Variants in AGBL4 observed in about 807,000 individuals in gnomAD.
AGBL4 encodes cytosolic carboxypeptidase 6.
AGBL4 carries 58 observed loss-of-function variants against 66.4 expected under a neutral mutation model. That is an observed-to-expected ratio of 0.87 (90% CI 0.71 to 1.09). The LOEUF (loss-of-function observed/expected upper bound fraction) is 1.09. Ranked by LOEUF, AGBL4 falls within the 50% of genes least tolerant of loss-of-function variation. The pLI is 0.00. For missense variants in AGBL4, 579 were observed against 631.0 expected (o/e 0.92, Z 0.88); for synonymous variants, 234 against 222.9 (o/e 1.05, Z -0.44).
At chr1:49,105,368 C>T (rs1463727682) in intron 4 of AGBL4, among the ~76,000 whole-genome samples, 1 of 152,162 alleles carries the variant, frequency 6.6e-6, no homozygotes, top group African/African-American at 2.4e-5. Context: ...GATCATAGAA[C>T]TGTTACTTGG....
At chr1:49,021,646 G>T (rs149672355) in intron 5 of AGBL4, among the ~76,000 whole-genome samples, 1 of 152,050 alleles carries the variant, frequency 6.6e-6, no homozygotes, top group Non-Finnish European at 1.5e-5. Context: ...AAAAAATTCC[G>T]GTTTTTAATA....
At chr1:49,116,017 A>G (rs1235690409) in intron 4 of AGBL4, among the ~76,000 whole-genome samples, 1 of 152,190 alleles carries the variant, frequency 6.6e-6, no homozygotes, top group Non-Finnish European at 1.5e-5. Flanking sequence ...AGTAATTAAG[A>G]GAAATTGGAT....
intron 11 of AGBL4, among the ~76,000 whole-genome samples, chr1:48,565,686 C>T (rs1428326777): frequency 6.6e-6 from 1 of 152,170 alleles, no homozygotes; most frequent in Non-Finnish European, 1.5e-5. Flanking sequence ...TCCACATCTA[C>T]CAGCTGTATG....
intron 1 of AGBL4, among the ~76,000 whole-genome samples, chr1:49,897,234 AT>A (rs777744050): frequency 5.9e-5 from 9 of 152,078 alleles, no homozygotes; most frequent in Non-Finnish European, 1.3e-4. Flanking sequence ...CCAGAAAACT[AT>A]TAGAACTGAT....
chr1:48,997,071 C>T (rs551573006), intron 5 of AGBL4, among the ~76,000 whole-genome samples: 2 of 152,058 alleles, frequency 1.3e-5, no homozygotes, highest in South Asian at 2.1e-4. Context: ...TACAGGTGCC[C>T]GCCACCACGC....
intron 5 of AGBL4, among the ~76,000 whole-genome samples, chr1:48,943,367 G>T (rs1656178455): frequency 6.6e-6 from 1 of 152,210 alleles, no homozygotes; most frequent in African/African-American, 2.4e-5. Flanking sequence ...TTTATCAGAT[G>T]ATGCCAATGA....
chr1:49,770,657 TC>T (rs1252307121), intron 2 of AGBL4, among the ~76,000 whole-genome samples: 1 of 152,204 alleles, frequency 6.6e-6, no homozygotes, highest in African/African-American at 2.4e-5. Flanking sequence ...GACTTTTTTT[TC>T]ATCAAGATGT....
intron 6 of AGBL4, among the ~76,000 whole-genome samples, chr1:48,850,346 A>G (rs1353689518): frequency 6.6e-6 from 1 of 152,160 alleles, no homozygotes; most frequent in African/African-American, 2.4e-5. Flanking sequence ...AAGGGTAGGG[A>G]CAGCAGATGG....
chr1:49,795,442 GAGA>G (rs1331847366), intron 2 of AGBL4, among the ~76,000 whole-genome samples: 1 of 151,926 alleles, frequency 6.6e-6, no homozygotes, highest in East Asian at 1.9e-4. Context: ...CTGAATAAAT[GAGA>G]AGGATGTAAA....
Position 49,617,675 on chromosome 1 carries a change from A to C in AGBL4, c.282+79638T>G, listed in dbSNP as rs12049549. 8.0e-3 allele frequency among the ~76,000 whole-genome samples: 1,213 copies of C among 152,328 alleles called. 9 individuals carry two copies. The highest frequency in any genetic ancestry group is 0.031 in the Middle Eastern group (9 of 294). On this transcript the variant is annotated intron_variant, in intron 3 of 13. Coordinates refer to ENST00000371839, the MANE Select transcript of AGBL4 (RefSeq NM_032785.4). Reference sequence around the variant, plus strand: ...AGTACCTATCACATGATGTGCACTCAGAAAATATTTGATAAATGAGTCATA... The same window carrying C: ...AGTACCTATCACATGATGTGCACTCCGAAAATATTTGATAAATGAGTCATA...
chr1:49,332,806 C>A (rs1351016294), intron 3 of AGBL4, among the ~76,000 whole-genome samples: 1 of 152,054 alleles, frequency 6.6e-6, no homozygotes, highest in African/African-American at 2.4e-5. Context: ...ACATAAAATT[C>A]TATTTCTGGT....
chr1:49,363,438 A>G (rs1644181942), intron 3 of AGBL4, among the ~76,000 whole-genome samples: 3 of 152,220 alleles, frequency 2.0e-5, no homozygotes, highest in South Asian at 4.1e-4. Flanking sequence ...ACAAGCATTA[A>G]TGATACTTGC....
At chr1:49,951,168 A>C (rs1656126929) in intron 1 of AGBL4, among the ~76,000 whole-genome samples, 1 of 151,898 alleles carries the variant, frequency 6.6e-6, no homozygotes, top group Non-Finnish European at 1.5e-5. Flanking sequence ...CGGTGACTAT[A>C]GTTAATAATA....
At chr1:48,940,950 A>G (rs1170705221) in intron 5 of AGBL4, among the ~76,000 whole-genome samples, 3 of 152,228 alleles carry the variant, frequency 2.0e-5, no homozygotes, top group Non-Finnish European at 4.4e-5. Context: ...TGACAAATAC[A>G]CAGACATATT....
rs183175285 is a variant in AGBL4 at position 49,062,864 on chromosome 1, T to C, written c.378-17064A>G. ...TCTCAGTGCCCATCATCTCCCTGTG[T>C]ATGGCATAGCTTCCTTTCTACACTA... On this transcript the variant is annotated intron_variant, in intron 4 of 13. Transcript: ENST00000371839. Among the ~76,000 whole-genome samples the C allele has an allele frequency of 1.7e-3, 253 of 152,352 alleles. 1 individual carries two copies. Among genetic ancestry groups the C allele is most frequent in the African/African-American group, 5.7e-3 (237 of 41,586 alleles).
intron 4 of AGBL4, among the ~76,000 whole-genome samples, chr1:49,107,721 G>GAGAGAC (rs1379211397): frequency 6.6e-6 from 1 of 151,098 alleles, no homozygotes; most frequent in African/African-American, 2.4e-5. Context: ...GAGAGAGAGA[G>GAGAGAC]AGAGAGAGAG....
chr1:49,032,805 T>A (rs1664338586), intron 5 of AGBL4, among the ~76,000 whole-genome samples: 2 of 152,150 alleles, frequency 1.3e-5, no homozygotes, highest in African/African-American at 4.8e-5. Context: ...GTAGCCTTGA[T>A]CATACTTGGT....
intron 6 of AGBL4, among the ~76,000 whole-genome samples, chr1:48,664,407 T>A (rs1442609365): frequency 6.6e-6 from 1 of 152,182 alleles, no homozygotes; most frequent in Non-Finnish European, 1.5e-5. Context: ...TCCTCACTGA[T>A]CATCCAAGGA....
At chr1:49,039,891 AAC>A (rs1643896147) in intron 5 of AGBL4, among the ~76,000 whole-genome samples, 2 of 152,058 alleles carry the variant, frequency 1.3e-5, no homozygotes, top group Non-Finnish European at 2.9e-5. Flanking sequence ...CAAAATCAAA[AAC>A]ACTGACAACA....
Sources: gnomAD v4.1 joint callset for allele counts (sites outside exome capture counted in the v4.1 genomes callset) on GRCh38, gnomAD v4.1.1 for gene constraint, MANE v1.5 for transcripts, NCBI Gene and HGNC (gene_info 2026-07-23, HGNC 2026-07-21) for gene names.